The following FER variants were observed in gnomAD, a reference collection of about 807,000 sequenced individuals.
The protein encoded by FER is FER tyrosine kinase, also known as tyrosine-protein kinase Fer.
Under a neutral mutation model 111.0 loss-of-function variants are expected in FER, and 63 were observed. The ratio of observed to expected loss-of-function variants is 0.57; its 90% CI spans 0.46 to 0.70. FER has a LOEUF of 0.70. Among genes scored for constraint, FER ranks in the 30% least tolerant of loss-of-function variants. FER has a pLI of 0.00. For synonymous variants in FER, 327 were observed against 313.9 expected (o/e 1.04, Z -0.44); for missense variants, 914 against 954.0 (o/e 0.96, Z 0.55).
chr5:109,086,218 G>A (rs766653369), intron 16 of FER, among the ~76,000 whole-genome samples: 1 of 151,536 alleles, frequency 6.6e-6, no homozygotes, highest in African/African-American at 2.4e-5. Flanking sequence ...TCACAATATG[G>A]GCTATTTAAA....
chr5:108,884,448 T>G (rs1448124699), intron 9 of FER, among the ~76,000 whole-genome samples: 1 of 151,822 alleles, frequency 6.6e-6, no homozygotes, highest in Non-Finnish European at 1.5e-5. Flanking sequence ...AAATTTGTAC[T>G]CAACATCTTT....
intron 17 of FER, among the ~76,000 whole-genome samples, chr5:109,117,552 T>A (rs186566052): frequency 6.6e-6 from 1 of 152,176 alleles, no homozygotes; most frequent in Non-Finnish European, 1.5e-5. Context: ...GTGAAAGTCA[T>A]TGGTAGCTTG....
intron 1 of FER, among the ~76,000 whole-genome samples, chr5:108,756,142 G>A (rs1298476481): frequency 2.3e-5 from 3 of 130,696 alleles, no homozygotes; most frequent in African/African-American, 6.0e-5. Flanking sequence ...TGACAAGAGC[G>A]AGAAACTCCA....
intron 5 of FER, among the ~76,000 whole-genome samples, chr5:108,843,654 G>T (rs538843638): frequency 7.1e-4 from 108 of 151,082 alleles, no homozygotes; most frequent in Non-Finnish European, 1.3e-3. Flanking sequence ...TCAGCCTCCT[G>T]AGTAGCTGGG....
chr5:108,881,460 A>G (rs1211493485), intron 8 of FER, among the ~76,000 whole-genome samples: 1 of 152,134 alleles, frequency 6.6e-6, no homozygotes, highest in African/African-American at 2.4e-5. Context: ...GTTACCTCCC[A>G]CTGGGTCCCT....
intron 13 of FER, among the ~76,000 whole-genome samples, chr5:108,972,302 C>A (rs999619926): frequency 3.3e-5 from 5 of 151,916 alleles, no homozygotes; most frequent in African/African-American, 1.2e-4. Context: ...ACCTTCTCGG[C>A]CTCTGTCTTG....
chr5:109,103,452 T>C (rs1748502165), intron 17 of FER, among the ~76,000 whole-genome samples: 2 of 152,190 alleles, frequency 1.3e-5, no homozygotes, highest in Non-Finnish European at 2.9e-5. Context: ...TTATGACAAC[T>C]ATAAAATGGA....
chr5:108,874,463 G>A (rs117790901), intron 8 of FER, among the ~76,000 whole-genome samples: 2 of 152,188 alleles, frequency 1.3e-5, no homozygotes, highest in East Asian at 3.9e-4. Context: ...CTGTATTCAG[G>A]ATATGAGTTT....
chr5:108,830,401 T>A (rs542480954), intron 3 of FER, among the ~76,000 whole-genome samples: 2 of 151,952 alleles, frequency 1.3e-5, no homozygotes, highest in Non-Finnish European at 2.9e-5. Context: ...TTGTAGTGAG[T>A]GGAGATTGCG....
At chr5:108,792,302 C>T (rs916609122) in intron 2 of FER, among the ~76,000 whole-genome samples, 17 of 152,164 alleles carry the variant, frequency 1.1e-4, no homozygotes, top group African/African-American at 4.1e-4. Context: ...ATCTTTTGAT[C>T]TGTGAACATG....
chr5:108,972,424 T>C (rs755754310), intron 13 of FER, among the ~76,000 whole-genome samples: 1 of 152,228 alleles, frequency 6.6e-6, no homozygotes, highest in Non-Finnish European at 1.5e-5. Flanking sequence ...GATGATATTT[T>C]CATTATTCCA....
intron 2 of FER, among the ~76,000 whole-genome samples, chr5:108,776,664 T>A (rs1561401485): frequency 6.6e-6 from 1 of 152,190 alleles, no homozygotes; most frequent in Non-Finnish European, 1.5e-5. Context: ...AACTGTGTAT[T>A]TATAGATTTA....
intron 16 of FER, among the ~76,000 whole-genome samples, chr5:109,056,108 G>T (rs1773615609): frequency 6.6e-6 from 1 of 152,150 alleles, no homozygotes; most frequent in Non-Finnish European, 1.5e-5. Flanking sequence ...GAGAAATCCT[G>T]TACACTGTCG....
At chr5:108,781,806 C>T (rs1488706425) in intron 2 of FER, among the ~76,000 whole-genome samples, 1 of 152,178 alleles carries the variant, frequency 6.6e-6, no homozygotes, top group African/African-American at 2.4e-5. Context: ...GATAGAACCC[C>T]AGCAGGCTCT....
intron 5 of FER, among the ~76,000 whole-genome samples, chr5:108,845,011 T>TATATATATATATAC (rs1761782761): frequency 2.5e-5 from 1 of 39,422 alleles, no homozygotes; most frequent in East Asian, 1.0e-3. Context: ...TATATATATA[T>TATATATATATATAC]ATATATATAT....
At chr5:108,866,575 T>TA (rs1439550026) in intron 5 of FER, among the ~76,000 whole-genome samples, 4 of 151,386 alleles carry the variant, frequency 2.6e-5, no homozygotes, top group Non-Finnish European at 2.9e-5. Context: ...CCCTAAAACT[T>TA]AAAGTATTAA....
intron 10 of FER, among the ~76,000 whole-genome samples, chr5:108,922,552 AT>A (rs2149555315): frequency 6.6e-6 from 1 of 152,322 alleles, no homozygotes; most frequent in South Asian, 2.1e-4. Context: ...TTGCTTCCAG[AT>A]TTAATGTTTT....
chr5:109,167,956 A>G (rs1756727553), intron 17 of FER, among the ~76,000 whole-genome samples: 2 of 152,200 alleles, frequency 1.3e-5, no homozygotes, highest in Non-Finnish European at 2.9e-5. Context: ...CCAATATTAT[A>G]TTACCTTAAA....
intron 5 of FER, among the ~76,000 whole-genome samples, chr5:108,864,052 A>G (rs577955602): frequency 6.6e-6 from 1 of 152,330 alleles, no homozygotes; most frequent in Admixed American, 6.5e-5. Context: ...CTTATTAAGA[A>G]GTTCTTTATG....
Sources: gnomAD v4.1 joint callset for allele counts (sites outside exome capture counted in the v4.1 genomes callset) on GRCh38, gnomAD v4.1.1 for gene constraint, MANE v1.5 for transcripts, NCBI Gene and HGNC (gene_info 2026-07-23, HGNC 2026-07-21) for gene names.